The following NRCAM variants were observed in gnomAD, a reference collection of about 807,000 sequenced individuals.
NRCAM encodes NgCAM-related cell adhesion molecule.
Under a neutral mutation model 156.5 loss-of-function variants are expected in NRCAM, and 83 were observed. The ratio of observed to expected loss-of-function variants is 0.53; its 90% confidence interval spans 0.44 to 0.64. The LOEUF (loss-of-function observed/expected upper bound fraction) is 0.64. Among genes scored for constraint, NRCAM ranks in the 30% least tolerant of loss-of-function variants. The pLI is 0.00. For synonymous variants in NRCAM, 538 were observed against 563.9 expected, an observed-to-expected ratio of 0.95 and a Z score of 0.65; for missense variants, 1,417 against 1,597.3, an observed-to-expected ratio of 0.89 and a Z score of 1.92.
chr7:108,371,297 G>A lies in NRCAM; in HGVS notation c.-174+28139C>T, dbSNP rs1192963894. Among the ~76,000 whole-genome samples, 4 of 152,104 alleles carry A rather than the reference G, an allele frequency of 2.6e-5. No homozygotes were observed. The East Asian group carries it at 7.7e-4, about 29-fold the overall frequency. ...AGTTGGGCTAAAATTTTATTTTCTT[G>A]GACATTTCTTGGAGAATGTGGGGAC... is the stretch of plus-strand genomic sequence containing the variant. On this transcript the variant is annotated intron_variant, in intron 2 of 32. Transcript: ENST00000379028.
At chr7:108,158,631 A>T (rs1003937953) in intron 32 of NRCAM, among the ~76,000 whole-genome samples, 1 of 152,136 alleles carries the variant, frequency 6.6e-6, no homozygotes, top group African/African-American at 2.4e-5. Context: ...GGCTTAATGC[A>T]TATTTAAAAG....
intron 2 of NRCAM, among the ~76,000 whole-genome samples, chr7:108,320,436 G>C (rs1303754720): frequency 6.6e-6 from 1 of 151,508 alleles, no homozygotes; most frequent in Non-Finnish European, 1.5e-5. Flanking sequence ...AACAGAGCTA[G>C]ACAAAACAAA....
At chr7:108,182,284 T>C (rs74426422) in intron 23 of NRCAM, among the ~76,000 whole-genome samples, 6,817 of 150,856 alleles carry the variant, frequency 0.045, 198 homozygotes, top group Middle Eastern at 0.068. Flanking sequence ...GATTTTTTTT[T>C]CCCCCCAAAA....
At position 108,338,830 on chromosome 7, in the gene NRCAM, C is replaced by G. The variant is rs187996500; in HGVS notation, c.-173-26099G>C. 1.4e-3 allele frequency among the ~76,000 whole-genome samples: 208 copies of G among 152,314 alleles called. 1 individual carries two copies. Among genetic ancestry groups the G allele is most frequent in the African/African-American group, 4.9e-3 (203 of 41,584 alleles). On this transcript the variant is annotated intron_variant, in intron 2 of 32. Coordinates refer to ENST00000379028, the MANE Select transcript of NRCAM (RefSeq NM_001037132.4). Reference sequence around the variant, plus strand: ...AATACTACCTTGTTCTCAGTGTAAACAAGGGTGTAGCCTGAAAACACTGAG... The same window carrying G: ...AATACTACCTTGTTCTCAGTGTAAAGAAGGGTGTAGCCTGAAAACACTGAG...
intron 2 of NRCAM, among the ~76,000 whole-genome samples, chr7:108,319,294 G>A (rs1242014402): frequency 6.6e-6 from 1 of 152,126 alleles, no homozygotes; most frequent in African/African-American, 2.4e-5. Flanking sequence ...GAAAAGTTAG[G>A]AAAACATTAA....
intron 2 of NRCAM, among the ~76,000 whole-genome samples, chr7:108,313,558 C>T (rs1174840627): frequency 6.6e-6 from 1 of 152,088 alleles, no homozygotes; most frequent in Non-Finnish European, 1.5e-5. Flanking sequence ...CTATGAAACA[C>T]AAAATTATTC....
chr7:108,330,593 G>A (rs985336223), intron 2 of NRCAM, among the ~76,000 whole-genome samples: 1 of 152,090 alleles, frequency 6.6e-6, no homozygotes, highest in Non-Finnish European at 1.5e-5. Flanking sequence ...GGTTTAACAG[G>A]CTCCTCACAA....
chr7:108,202,637 T>C (rs1027579827), intron 13 of NRCAM, among the ~76,000 whole-genome samples: 3 of 152,176 alleles, frequency 2.0e-5, no homozygotes, highest in Non-Finnish European at 4.4e-5. Flanking sequence ...CTGAGCCCCT[T>C]AGTTTTGTGA....
chr7:108,312,453 G>A lies in NRCAM; in HGVS notation c.-107+212C>T, dbSNP rs149342005. Among the ~76,000 whole-genome samples, 669 of 152,096 alleles carry A rather than the reference G, an allele frequency of 4.4e-3. 5 individuals carry two copies. Among genetic ancestry groups the A allele is most frequent in the African/African-American group, 0.015 (634 of 41,480 alleles). The stretch of plus-strand genomic sequence containing the variant: ...CTTATTACTATGAAAGGACATGAGG[G>A]CTGGTTTACTTCCCTATGTATTTGA... On this transcript the variant is annotated intron_variant, in intron 3 of 32. Transcript: ENST00000379028.
At chr7:108,356,212 G>T (rs922851541) in intron 2 of NRCAM, among the ~76,000 whole-genome samples, 1 of 152,212 alleles carries the variant, frequency 6.6e-6, no homozygotes, top group Non-Finnish European at 1.5e-5. Flanking sequence ...CTCCCAAAGT[G>T]CTGGGATTAC....
chr7:108,417,938 C>G (rs1294714070), intron 1 of NRCAM, among the ~76,000 whole-genome samples: 2 of 152,132 alleles, frequency 1.3e-5, no homozygotes, highest in Admixed American at 6.5e-5. Flanking sequence ...TATCACAAAC[C>G]AAACTGCAAC....
At chr7:108,283,388 T>A (rs866726533) in intron 3 of NRCAM, among the ~76,000 whole-genome samples, 1 of 152,094 alleles carries the variant, frequency 6.6e-6, no homozygotes, top group Non-Finnish European at 1.5e-5. Context: ...TACAGAAAAA[T>A]TGCTATGATT....
At chr7:108,403,886 A>G (rs2099800065) in intron 1 of NRCAM, among the ~76,000 whole-genome samples, 15 of 152,194 alleles carry the variant, frequency 9.9e-5, no homozygotes, top group Admixed American at 9.2e-4. Context: ...TGTTCTCTGA[A>G]GAAGATCTCA....
At chr7:108,361,317 T>C (rs574737630) in intron 2 of NRCAM, among the ~76,000 whole-genome samples, 2 of 152,240 alleles carry the variant, frequency 1.3e-5, no homozygotes, top group Non-Finnish European at 2.9e-5. Flanking sequence ...TAATTTTATA[T>C]GTCAGCTTGA....
chr7:108,446,421 T>C (rs916405039), intron 1 of NRCAM, among the ~76,000 whole-genome samples: 2 of 152,180 alleles, frequency 1.3e-5, no homozygotes, highest in African/African-American at 4.8e-5. Flanking sequence ...CATTCTGACA[T>C]TTTGCAATAT....
At chr7:108,258,692 C>T (rs2096777007) in intron 3 of NRCAM, among the ~76,000 whole-genome samples, 2 of 152,150 alleles carry the variant, frequency 1.3e-5, no homozygotes, top group African/African-American at 4.8e-5. Context: ...ATTTACCTAC[C>T]TCCGGGGCTG....
At chr7:108,387,911 G>C (rs2099746408) in intron 2 of NRCAM, among the ~76,000 whole-genome samples, 1 of 152,170 alleles carries the variant, frequency 6.6e-6, no homozygotes, top group Admixed American at 6.5e-5. Flanking sequence ...TGGCTGCATA[G>C]TATTCCATGG....
intron 1 of NRCAM, among the ~76,000 whole-genome samples, chr7:108,435,529 T>C (rs1393429940): frequency 6.6e-6 from 1 of 152,072 alleles, no homozygotes; most frequent in Non-Finnish European, 1.5e-5. Flanking sequence ...CCAAATTTGA[T>C]GAAGCATACT....
intron 1 of NRCAM, among the ~76,000 whole-genome samples, chr7:108,400,487 G>C (rs569595247): frequency 6.6e-6 from 1 of 152,120 alleles, no homozygotes; most frequent in African/African-American, 2.4e-5. Context: ...GCCACATCCA[G>C]ACCAAATAAA....
Sources: gnomAD v4.1 joint callset for allele counts (sites outside exome capture counted in the v4.1 genomes callset) on GRCh38, gnomAD v4.1.1 for gene constraint, MANE v1.5 for transcripts, NCBI Gene and HGNC (gene_info 2026-07-23, HGNC 2026-07-21) for gene names.